The following PTPRE variants were observed in gnomAD, a reference collection of about 807,000 sequenced individuals.
PTPRE encodes receptor-type tyrosine-protein phosphatase epsilon.
In PTPRE, 51 loss-of-function variants were observed where a neutral mutation model predicts 102.0. The ratio of observed to expected loss-of-function variants is 0.50; its 90% CI spans 0.40 to 0.63. PTPRE has a LOEUF of 0.63. Ranked by LOEUF, PTPRE falls within the 30% of genes least tolerant of loss-of-function variation. The probability of loss-of-function intolerance (pLI) is 0.00; values close to 1 mark genes in which losing one functional copy is unlikely to be tolerated. For missense variants in PTPRE, 752 were observed against 915.1 expected (o/e 0.82, Z 2.30); for synonymous variants, 345 against 348.2 (o/e 0.99, Z 0.10).
intron 1 of PTPRE, among the ~76,000 whole-genome samples, chr10:127,958,500 T>C (rs183678480): frequency 9.8e-5 from 15 of 152,366 alleles, no homozygotes; most frequent in Admixed American, 9.8e-4. Context: ...ATTACATTAA[T>C]TGATTTTCAA....
Position 128,069,690 on chromosome 10 carries a change from A to G in PTPRE, c.1008-2A>G. 1 of 1,614,084 alleles carries G rather than the reference A, an allele frequency of 6.2e-7. No individual in the cohort carries two copies. The highest frequency in any genetic ancestry group is 8.5e-7 in the Non-Finnish European group (1 of 1,179,990). On this transcript the variant is annotated splice_acceptor_variant, in intron 12 of 20. Transcript: ENST00000254667. LOFTEE classifies it high-confidence loss of function. ...ACGCAGCATCTTTCTCTTTCCCCAA[A>G]GCGCGGGCGTGGGCCGGACGGGCAC...
rs113842064 is a variant in PTPRE at position 128,041,520 on chromosome 10, C to T, written c.109+530C>T. Among the ~76,000 whole-genome samples, 732 of 151,774 alleles carry T rather than the reference C, an allele frequency of 4.8e-3. 7 individuals are homozygous for T. The highest frequency in any genetic ancestry group is 0.016 in the African/African-American group (657 of 41,342). ...AAAATTAGCTGGGCGTGGTGGTGGG[C>T]GCCTGTAGTCCCAGCCACTCGGGAG... On this transcript the variant is annotated intron_variant, in intron 3 of 20. Coordinates refer to ENST00000254667, the MANE Select transcript of PTPRE (RefSeq NM_006504.6).
At chr10:127,961,658 C>A (rs1589840612) in intron 1 of PTPRE, among the ~76,000 whole-genome samples, 2 of 152,198 alleles carry the variant, frequency 1.3e-5, no homozygotes, top group African/African-American at 4.8e-5. Flanking sequence ...GAAAGCGGGC[C>A]GCTAGGACTG....
intron 1 of PTPRE, among the ~76,000 whole-genome samples, chr10:127,911,428 C>T (rs781143998): frequency 1.2e-4 from 19 of 152,284 alleles, no homozygotes; most frequent in South Asian, 8.3e-4. Context: ...CAAAAGCAAA[C>T]GAAACCCACC....
intron 3 of PTPRE, among the ~76,000 whole-genome samples, chr10:128,044,805 T>C (rs1847956878): frequency 6.6e-6 from 1 of 152,246 alleles, no homozygotes; most frequent in Admixed American, 6.5e-5. Flanking sequence ...ACCACATTGG[T>C]GCCCAGAGGA....
At chr10:127,972,070 C>T (rs1345272115) in intron 1 of PTPRE, among the ~76,000 whole-genome samples, 1 of 152,172 alleles carries the variant, frequency 6.6e-6, no homozygotes, top group Non-Finnish European at 1.5e-5. Context: ...GGCAGGGGCA[C>T]ATCAGATGAA....
At chr10:127,913,566 CTG>C in intron 1 of PTPRE, among the ~76,000 whole-genome samples, 1 of 152,330 alleles carries the variant, frequency 6.6e-6, no homozygotes, top group South Asian at 2.1e-4. Flanking sequence ...ATTTTTCAGG[CTG>C]TGTCTCCACA....
intron 1 of PTPRE, among the ~76,000 whole-genome samples, chr10:127,913,643 C>T (rs114005352): frequency 0.011 from 1,635 of 152,270 alleles, 30 homozygotes; most frequent in African/African-American, 0.037. Context: ...CCTGACTCCT[C>T]GGCTAACATG....
intron 2 of PTPRE, among the ~76,000 whole-genome samples, chr10:127,983,798 C>T (rs1297306021): frequency 6.6e-6 from 1 of 152,220 alleles, no homozygotes; most frequent in African/African-American, 2.4e-5. Flanking sequence ...TCCTATTCCT[C>T]CCAGCAAGTT....
At chr10:128,079,143 G>A (rs1489343324) in intron 19 of PTPRE, among the ~76,000 whole-genome samples, 2 of 152,142 alleles carry the variant, frequency 1.3e-5, no homozygotes, top group Non-Finnish European at 2.9e-5. Flanking sequence ...ACAGTAAGGA[G>A]AGGGTATGCC....
chr10:127,970,357 G>T (rs141349916), intron 1 of PTPRE, among the ~76,000 whole-genome samples: 1 of 152,190 alleles, frequency 6.6e-6, no homozygotes, highest in Non-Finnish European at 1.5e-5. Context: ...CGGATGAAAG[G>T]GTTGTATTTG....
chr10:127,950,610 C>T (rs936154074), intron 1 of PTPRE, among the ~76,000 whole-genome samples: 22 of 152,304 alleles, frequency 1.4e-4, no homozygotes, highest in African/African-American at 4.8e-4. Context: ...GTGGGAACCT[C>T]AGTCACTCAA....
At position 128,085,515 on chromosome 10, in the gene PTPRE, A is replaced by G. The variant is rs976683410; in HGVS notation, c.*2609A>G. 6.5e-6 allele frequency: 1 copy of G among 153,002 alleles called. No homozygotes were observed. The highest frequency in any genetic ancestry group is 2.4e-5 in the African/African-American group (1 of 41,458). 9.5% of individuals were successfully genotyped at this position (153,002 alleles called of 1,614,324 possible). ...GCTATATGAATGAAGAATGCATACC[A>G]GTGTTTTAAAAGGTATTTTTATGTG... On this transcript the variant is annotated 3_prime_UTR_variant, in exon 21 of 21. Transcript: ENST00000254667.
In PTPRE at chr10:128,040,957, A is replaced by G. The variant is rs1313205593; in HGVS notation, c.76A>G (p.Thr26Ala). 1 of 1,614,094 alleles carries G rather than the reference A, an allele frequency of 6.2e-7. No individual in the cohort carries two copies. ...LARALRGNETTADSNETTTTS... is the reference protein window; with the variant it reads ...LARALRGNETAADSNETTTTS... ...CAGGGCTCTCAGGGGCAACGAGACC[A>G]CTGCCGACAGCAACGAGACAACCAC... The change falls in exon 3 of 21, where the codon ACT (threonine) becomes GCT (alanine). Residue 26 changes from threonine to alanine, a missense_variant. By Grantham distance (58) the Thr-to-Ala change is moderately conservative (BLOSUM62 0). Around this residue, in one of 2 missense-constraint regions of PTPRE, gnomAD observed 116 missense variants for 90.8 expected, o/e 1.28. Transcript: ENST00000254667.
chr10:127,932,457 GACA>G (rs747083131), intron 1 of PTPRE, among the ~76,000 whole-genome samples: 1 of 152,212 alleles, frequency 6.6e-6, no homozygotes, highest in Non-Finnish European at 1.5e-5. Flanking sequence ...GGGAAATGAA[GACA>G]TACACAGGTG....
Position 128,077,789 on chromosome 10 carries a change from C to A in PTPRE, c.1892+6C>A. The A allele has an allele frequency of 3.2e-6, 5 of 1,581,554 alleles. No homozygotes were observed. Among genetic ancestry groups the A allele is most frequent in the Non-Finnish European group, 4.3e-6 (5 of 1,154,788 alleles). On this transcript the variant is annotated splice_donor_region_variant and intron_variant, in intron 19 of 20. Transcript: ENST00000254667. The stretch of plus-strand genomic sequence containing the variant: ...CCCATCACCGTGCACTGCAGGTGAG[C>A]CCCCAGCCCGAAGCCCTCCAGGTGG...
chr10:128,071,744 G>T (rs567776277), intron 15 of PTPRE: 2 of 183,774 alleles, frequency 1.1e-5, no homozygotes, highest in Middle Eastern at 4.5e-3. Flanking sequence ...CACTGCAGGC[G>T]AGTAGAGCTC....
At position 128,085,219 on chromosome 10, in the gene PTPRE, C is replaced by G; in HGVS notation, c.*2313C>G. ...ACAGGATCTCCTGGGCCTTGGAGCA[C>G]CTCACGCTGGGGGAATCAATCCCTG... On this transcript the variant is annotated 3_prime_UTR_variant, in exon 21 of 21. Coordinates refer to ENST00000254667, the MANE Select transcript of PTPRE (RefSeq NM_006504.6). 5.1e-6 allele frequency: 2 copies of G among 394,758 alleles called. No homozygotes were observed. Among genetic ancestry groups the G allele is most frequent in the Non-Finnish European group, 1.0e-5 (2 of 193,648 alleles). The allele number at this position is 394,758 out of a possible 1,614,324, so 24.5% of individuals were successfully genotyped here. A position where few individuals can be genotyped will look rare whatever the true frequency, so the allele number is the denominator to read the frequency against.
chr10:128,072,113 A>C (rs1362229855), intron 15 of PTPRE, 25 bp from the exon 16 acceptor site: 1 of 1,606,260 alleles, frequency 6.2e-7, no homozygotes, highest in Non-Finnish European at 8.5e-7. Flanking sequence ...TTTTGTAATA[A>C]CTAAAGGAAG....
Sources: gnomAD v4.1 joint callset for allele counts (sites outside exome capture counted in the v4.1 genomes callset) on GRCh38, gnomAD v4.1.1 for gene constraint, gnomAD v4.1.1 regional missense constraint, MANE v1.5 for transcripts, NCBI Gene and HGNC (gene_info 2026-07-23, HGNC 2026-07-21) for gene names.